The following NSG2 variants were observed in gnomAD, a reference collection of about 807,000 sequenced individuals.
NSG2 encodes neuronal vesicle trafficking-associated protein 2.
Under a neutral mutation model 16.9 loss-of-function variants are expected in NSG2, and 4 were observed. That is an observed-to-expected ratio of 0.24 (90% CI 0.12 to 0.54). The LOEUF (loss-of-function observed/expected upper bound fraction) is 0.54. NSG2 is among the 20% of genes least tolerant of loss of function. The pLI is 0.95. For missense variants in NSG2, 179 were observed against 221.1 expected, an observed-to-expected ratio of 0.81 and a Z score of 1.21; for synonymous variants, 98 against 88.7, an observed-to-expected ratio of 1.11 and a Z score of -0.59.
chr5:174,099,567 G>A (rs1302562998), intron 3 of NSG2, among the ~76,000 whole-genome samples: 1 of 152,054 alleles, frequency 6.6e-6, no homozygotes, highest in East Asian at 1.9e-4. Context: ...CTGGCTCCCT[G>A]TTGTCCTTGA....
At chr5:174,092,669 T>C (rs1362091880) in intron 3 of NSG2, among the ~76,000 whole-genome samples, 3 of 152,346 alleles carry the variant, frequency 2.0e-5, no homozygotes, top group East Asian at 3.9e-4. Context: ...TTTACATGAC[T>C]CTCTTTCCTT....
chr5:174,080,567 CTTTCTTTTCT>C lies in NSG2; in HGVS notation c.213+16255_213+16264del, dbSNP rs1760442536. 9.0e-5 allele frequency among the ~76,000 whole-genome samples: 11 copies of C among 122,502 alleles called. No homozygotes were observed. The South Asian group carries it at 2.3e-3, about 26-fold the overall frequency. 80.4% of individuals were successfully genotyped at this position (122,502 alleles called of 152,430 possible). On this transcript the variant is annotated intron_variant, in intron 3 of 4. Coordinates refer to ENST00000303177, the MANE Select transcript of NSG2 (RefSeq NM_015980.5). ...TCTCTCTCTTTCTTTTCTTTCTTTT[CTTTCTTTTCT>C]TTCTTGACAGAGTCTGTTCTGTCGT...
rs1759804073 is a variant in NSG2 at position 174,046,635 on chromosome 5, T to C, written c.-22-99T>C. 2.9e-6 allele frequency: 3 copies of C among 1,017,028 alleles called. No homozygotes were observed. The African/African-American group carries it at 4.8e-5, about 16-fold the overall frequency. The allele number at this position is 1,017,028 out of a possible 1,614,324, so 63.0% of individuals were successfully genotyped here. A position where few individuals can be genotyped will look rare whatever the true frequency, so the allele number is the denominator to read the frequency against. On this transcript the variant is annotated intron_variant, in intron 1 of 4. Transcript: ENST00000303177. ...GACTGATCACTAGATTGAAAGCCAC[T>C]TGAGTGGAGCTGTTGAGGACAGTGC...
intron 2 of NSG2, among the ~76,000 whole-genome samples, chr5:174,063,521 C>CTATTT (rs61400785): frequency 0.026 from 3,828 of 144,856 alleles, 86 homozygotes; most frequent in African/African-American, 0.05. Context: ...TCATAACTTT[C>CTATTT]TATTTTATTT....
At chr5:174,059,689 CG>C (rs1392287683) in intron 2 of NSG2, among the ~76,000 whole-genome samples, 1 of 152,098 alleles carries the variant, frequency 6.6e-6, no homozygotes, top group Admixed American at 6.5e-5. Flanking sequence ...GGTGCAATCC[CG>C]GGGTAGGATG....
At chr5:174,053,123 G>C (rs148646371) in intron 2 of NSG2, among the ~76,000 whole-genome samples, 1 of 152,200 alleles carries the variant, frequency 6.6e-6, no homozygotes, top group Non-Finnish European at 1.5e-5. Flanking sequence ...TTTACTTACT[G>C]TGTAGCTTTA....
Position 174,107,698 on chromosome 5 carries a change from C to T in NSG2, c.*193C>T. Reference sequence around the variant, plus strand: ...GTCTGAACCGATATTTCTTTTTGTTCCTTGGTATTGTTGATTCGTCGCCGA... The same window carrying T: ...GTCTGAACCGATATTTCTTTTTGTTTCTTGGTATTGTTGATTCGTCGCCGA... On this transcript the variant is annotated 3_prime_UTR_variant, in exon 5 of 5. Coordinates refer to ENST00000303177, the MANE Select transcript of NSG2 (RefSeq NM_015980.5). This position sits in a 1 kb window ranked among gnomAD's most constrained non-coding sequence, Gnocchi z 4.5. The T allele has an allele frequency of 4.2e-6, 3 of 714,072 alleles. No individual in the cohort carries two copies. In the South Asian group the frequency reaches 4.5e-5, roughly 11 times the overall value. 44.2% of individuals were successfully genotyped at this position (714,072 alleles called of 1,614,324 possible). A position where few individuals can be genotyped will look rare whatever the true frequency, so the allele number is the denominator to read the frequency against.
At chr5:174,099,926 C>T (rs368202340) in intron 3 of NSG2, among the ~76,000 whole-genome samples, 10 of 152,196 alleles carry the variant, frequency 6.6e-5, no homozygotes, top group African/African-American at 2.4e-4. Flanking sequence ...CCATCTCTTC[C>T]TCCCCCTGTA....
chr5:174,063,494 T>C (rs1475910382), intron 2 of NSG2, among the ~76,000 whole-genome samples: 1 of 152,036 alleles, frequency 6.6e-6, no homozygotes, highest in East Asian at 1.9e-4. Flanking sequence ...TGCAAAGGCT[T>C]AGAAACAGAA....
At chr5:174,097,551 A>C (rs1210526495) in intron 3 of NSG2, among the ~76,000 whole-genome samples, 1 of 136,646 alleles carries the variant, frequency 7.3e-6, no homozygotes. Flanking sequence ...GTGTGTCTGT[A>C]TGTCTCTGTG....
intron 3 of NSG2, among the ~76,000 whole-genome samples, chr5:174,097,387 G>A (rs1191492003): frequency 1.3e-5 from 2 of 151,648 alleles, no homozygotes; most frequent in African/African-American, 4.8e-5. Context: ...GTGCTTCCGT[G>A]CACCACTACA....
intron 3 of NSG2, among the ~76,000 whole-genome samples, chr5:174,081,976 G>A (rs1475835357): frequency 6.7e-6 from 1 of 150,252 alleles, no homozygotes; most frequent in Non-Finnish European, 1.5e-5. Flanking sequence ...GAAATAATCT[G>A]TTTCTTTATA....
intron 3 of NSG2, among the ~76,000 whole-genome samples, chr5:174,097,616 T>C (rs1268738358): frequency 6.7e-6 from 1 of 150,238 alleles, no homozygotes; most frequent in East Asian, 2.0e-4. Context: ...TCTGTGTTTC[T>C]CTCTGTGTGT....
rs1761014767 is a variant in NSG2, at chr5:174,108,145, T to A, written c.*640T>A. The A allele has an allele frequency of 4.9e-6, 1 of 205,990 alleles. No homozygotes were observed. Among genetic ancestry groups the A allele is most frequent in the African/African-American group, 2.4e-5 (1 of 41,910 alleles). The allele number at this position is 205,990 out of a possible 1,614,324, so 12.8% of individuals were successfully genotyped here. On this transcript the variant is annotated 3_prime_UTR_variant, in exon 5 of 5. Coordinates refer to ENST00000303177, the MANE Select transcript of NSG2 (RefSeq NM_015980.5). ...TGCATTTTGCAAGATGAGCACAAAC[T>A]TTCTGGGCCTCCATCCTAGGACCTG...
chr5:174,093,766 T>C (rs532377985), intron 3 of NSG2, among the ~76,000 whole-genome samples: 1 of 152,320 alleles, frequency 6.6e-6, no homozygotes, highest in South Asian at 2.1e-4. Flanking sequence ...TGTGAGTGGT[T>C]CTATTGCTTT....
At chr5:174,073,170 A>G (rs1164842297) in intron 3 of NSG2, among the ~76,000 whole-genome samples, 1 of 151,826 alleles carries the variant, frequency 6.6e-6, no homozygotes, top group Non-Finnish European at 1.5e-5. Context: ...CATCCTCATA[A>G]CTCTCTTCCT....
At chr5:174,047,074 G>A (rs1426875531) in intron 2 of NSG2, among the ~76,000 whole-genome samples, 190 bp downstream of exon 2, 1 of 152,128 alleles carries the variant, frequency 6.6e-6, no homozygotes, top group African/African-American at 2.4e-5. Context: ...TATGGTAAGT[G>A]TTTATTCATT....
chr5:174,088,982 C>G (rs2113463450), intron 3 of NSG2, among the ~76,000 whole-genome samples: 2 of 152,246 alleles, frequency 1.3e-5, no homozygotes, highest in South Asian at 4.2e-4. Flanking sequence ...GCAGACTTGG[C>G]TTCTAGGTAT....
At chr5:174,079,586 GCTT>G (rs1760412044) in intron 3 of NSG2, among the ~76,000 whole-genome samples, 1 of 152,120 alleles carries the variant, frequency 6.6e-6, no homozygotes, top group African/African-American at 2.4e-5. Context: ...GTGAGTTTGA[GCTT>G]CTTTTTGGGT....
Sources: allele counts gnomAD v4.1 joint callset (sites outside exome capture counted in the v4.1 genomes callset), GRCh38; gene constraint gnomAD v4.1.1; non-coding constraint Gnocchi (gnomAD v3.1); transcripts MANE v1.5; gene names NCBI Gene and HGNC (gene_info 2026-07-23, HGNC 2026-07-21).